Variants in PIP5K1B observed in about 807,000 individuals in gnomAD.
PIP5K1B encodes the protein phosphatidylinositol 4-phosphate 5-kinase type-1 beta.
Under a neutral mutation model 67.0 loss-of-function variants are expected in PIP5K1B, and 42 were observed. The observed-to-expected ratio is 0.63, with a 90% CI of 0.49 to 0.81. The LOEUF (loss-of-function observed/expected upper bound fraction) is 0.81. Among genes scored for constraint, PIP5K1B ranks in the 30% least tolerant of loss-of-function variants. The pLI is 0.00. For synonymous variants in PIP5K1B, 214 were observed against 231.4 expected (o/e 0.92, Z 0.68); for missense variants, 459 against 646.3 (o/e 0.71, Z 3.14).
chr9:68,715,348 GT>G (rs1827583412), intron 1 of PIP5K1B, among the ~76,000 whole-genome samples: 1 of 152,096 alleles, frequency 6.6e-6, no homozygotes, highest in South Asian at 2.1e-4. Context: ...GCCCTGCACG[GT>G]CCTGGTCCTG....
intron 2 of PIP5K1B, among the ~76,000 whole-genome samples, chr9:68,765,634 TA>T (rs1370697412): frequency 6.6e-6 from 1 of 152,176 alleles, no homozygotes; most frequent in Non-Finnish European, 1.5e-5. Flanking sequence ...TTTAGAGAGA[TA>T]CTAATAGATT....
intron 2 of PIP5K1B, among the ~76,000 whole-genome samples, chr9:68,798,182 A>G (rs1237131732): frequency 6.6e-6 from 1 of 152,228 alleles, no homozygotes; most frequent in African/African-American, 2.4e-5. Context: ...GTCTTATAAG[A>G]AAGAAATTTT....
At chr9:68,812,167 A>G (rs1385846132) in intron 2 of PIP5K1B, among the ~76,000 whole-genome samples, 1 of 152,250 alleles carries the variant, frequency 6.6e-6, no homozygotes, top group African/African-American at 2.4e-5. Context: ...ACTGCATCCC[A>G]TGGACTTTAT....
At chr9:68,822,496 A>G (rs11143868) in intron 3 of PIP5K1B, 119 bp from the exon 4 acceptor site, 14,024 of 667,672 alleles carry the variant, frequency 0.021, 301 homozygotes, top group East Asian at 0.094. Context: ...TAGGAACAAC[A>G]GCAATAGCAA....
At chr9:68,917,820 T>G in intron 9 of PIP5K1B, 61 bp downstream of exon 9, 1 of 1,204,338 alleles carries the variant, frequency 8.3e-7, no homozygotes, top group Non-Finnish European at 1.2e-6. Context: ...CACTGGGTAA[T>G]TATAGACAGT....
At chr9:68,816,260 C>A (rs1009943607) in intron 2 of PIP5K1B, among the ~76,000 whole-genome samples, 1 of 152,090 alleles carries the variant, frequency 6.6e-6, no homozygotes, top group Non-Finnish European at 1.5e-5. Flanking sequence ...TCCCGAGTAG[C>A]TGGGATTACA....
intron 15 of PIP5K1B, among the ~76,000 whole-genome samples, chr9:69,003,491 T>C (rs1830921210): frequency 6.9e-6 from 1 of 145,000 alleles, no homozygotes; most frequent in African/African-American, 2.6e-5. Flanking sequence ...GGGGGGGATA[T>C]CACCCCAAGG....
chr9:68,986,765 T>C (rs1437308834), intron 14 of PIP5K1B, among the ~76,000 whole-genome samples: 1 of 152,180 alleles, frequency 6.6e-6, no homozygotes, highest in East Asian at 1.9e-4. Context: ...TGTATGTTAA[T>C]TTTGTCTTAA....
rs551188359 is a variant in PIP5K1B at position 68,861,606 on chromosome 9, G to A, written c.70-2231G>A. 5.3e-5 allele frequency among the ~76,000 whole-genome samples: 8 copies of A among 152,322 alleles called. No homozygotes were observed. In the East Asian group the frequency reaches 1.4e-3, roughly 26 times the overall value. On this transcript the variant is annotated intron_variant, in intron 4 of 15. Coordinates refer to ENST00000265382, the MANE Select transcript of PIP5K1B (RefSeq NM_003558.4). ...GCGTCAGGGGTGCGGTGCGGGGGCTGCAGAGCACTTGGGCAGCATGTGAAC... is the reference window on the plus strand; with the variant it reads ...GCGTCAGGGGTGCGGTGCGGGGGCTACAGAGCACTTGGGCAGCATGTGAAC...
intron 2 of PIP5K1B, among the ~76,000 whole-genome samples, chr9:68,754,556 T>C (rs1829829900): frequency 6.6e-6 from 1 of 152,184 alleles, no homozygotes; most frequent in Non-Finnish European, 1.5e-5. Flanking sequence ...TTTATGAATG[T>C]GAATTTTTAC....
chr9:68,872,202 C>T (rs1226686592), intron 5 of PIP5K1B, among the ~76,000 whole-genome samples: 1 of 152,180 alleles, frequency 6.6e-6, no homozygotes, highest in Admixed American at 6.5e-5. Context: ...GGGCTGGCAC[C>T]CACATCTACA....
chr9:68,834,030 C>G (rs1457087568), intron 4 of PIP5K1B, among the ~76,000 whole-genome samples: 1 of 152,196 alleles, frequency 6.6e-6, no homozygotes, highest in Non-Finnish European at 1.5e-5. Flanking sequence ...GGGGGAACAT[C>G]CATATTTTGA....
chr9:69,007,615 T>C (rs1343955920), intron 15 of PIP5K1B, among the ~76,000 whole-genome samples: 2 of 152,168 alleles, frequency 1.3e-5, no homozygotes, highest in African/African-American at 4.8e-5. Context: ...CCCAGCACTT[T>C]GGGAGGCCAA....
chr9:68,945,824 T>A (rs1458201806), intron 14 of PIP5K1B, among the ~76,000 whole-genome samples: 5 of 152,188 alleles, frequency 3.3e-5, no homozygotes, highest in African/African-American at 1.2e-4. Context: ...AGATGATAAG[T>A]TTTAGATGAT....
chr9:68,889,655 A>G (rs1824666433), intron 7 of PIP5K1B, among the ~76,000 whole-genome samples: 1 of 151,570 alleles, frequency 6.6e-6, no homozygotes, highest in African/African-American at 2.4e-5. Context: ...GAATGGCATG[A>G]ACCCGGGAGG....
At chr9:68,820,980 T>C (rs1407203649) in intron 3 of PIP5K1B, among the ~76,000 whole-genome samples, 2 of 152,160 alleles carry the variant, frequency 1.3e-5, no homozygotes, top group Non-Finnish European at 2.9e-5. Flanking sequence ...ATGAAACAAG[T>C]TAAAAGGACA....
intron 15 of PIP5K1B, among the ~76,000 whole-genome samples, chr9:69,001,681 A>T (rs1338639205): frequency 6.6e-6 from 1 of 152,132 alleles, no homozygotes; most frequent in Non-Finnish European, 1.5e-5. Context: ...GACAACAGCA[A>T]GGGGGAAGTC....
rs71353081 is a variant in PIP5K1B, at chr9:68,754,175, C to CTTTTTTTTTTT, written c.-86+11520_-86+11530dup. ...AGTCTTCTTTTATGTTCCATGATTT[C>CTTTTTTTTTTT]TTTTTTTTTTTTGAGACAGAGTCTC... On this transcript the variant is annotated intron_variant, in intron 2 of 15. Coordinates refer to ENST00000265382, the MANE Select transcript of PIP5K1B (RefSeq NM_003558.4). Among the ~76,000 whole-genome samples, 17 of 101,072 alleles carry CTTTTTTTTTTT rather than the reference C, an allele frequency of 1.7e-4. 2 individuals are homozygous for CTTTTTTTTTTT. The highest frequency in any genetic ancestry group is 4.5e-4 in the Admixed American group (4 of 8,924). The allele number at this position is 101,072 out of a possible 152,430, so 66.3% of individuals were successfully genotyped here.
At chr9:68,739,274 C>T (rs1179174829) in intron 1 of PIP5K1B, among the ~76,000 whole-genome samples, 13 of 152,190 alleles carry the variant, frequency 8.5e-5, no homozygotes, top group Admixed American at 3.3e-4. Context: ...TCTTATCAGT[C>T]CTCAAATATC....
Sources: gnomAD v4.1 joint callset for allele counts (sites outside exome capture counted in the v4.1 genomes callset) on GRCh38, gnomAD v4.1.1 for gene constraint, MANE v1.5 for transcripts, NCBI Gene and HGNC (gene_info 2026-07-23, HGNC 2026-07-21) for gene names.